TLDC2: variants seen among roughly 807,000 people sequenced by gnomAD.
TLDC2 encodes TLD domain-containing protein 2.
A neutral mutation model predicts 27.9 loss-of-function variants in TLDC2; 23 were observed. That is an observed-to-expected ratio of 0.82 (90% CI 0.59 to 1.17). TLDC2 has a LOEUF of 1.17. Ranked by LOEUF, TLDC2 falls within the 50% of genes most tolerant of loss-of-function variation. The pLI is 0.00. For missense variants in TLDC2, 286 were observed against 273.4 expected, an observed-to-expected ratio of 1.05 and a Z score of -0.32; for synonymous variants, 124 against 107.4, an observed-to-expected ratio of 1.16 and a Z score of -0.96.
At chr20:36,878,722 C>A (rs753698097) in intron 2 of TLDC2, among the ~76,000 whole-genome samples, 2 of 151,822 alleles carry the variant, frequency 1.3e-5, no homozygotes, top group Admixed American at 6.6e-5. Flanking sequence ...CCTCTGGGGG[C>A]AAGGGTGACC....
intron 4 of TLDC2, among the ~76,000 whole-genome samples, chr20:36,885,696 C>A (rs1989907079): frequency 6.6e-6 from 1 of 152,156 alleles, no homozygotes; most frequent in Non-Finnish European, 1.5e-5. Flanking sequence ...GCATTTTGGG[C>A]CACTGATTAA....
At chr20:36,889,156 C>A in intron 5 of TLDC2, 95 bp from the exon 6 acceptor site, 1 of 1,529,410 alleles carries the variant, frequency 6.5e-7, no homozygotes, top group South Asian at 1.3e-5. Context: ...ACTGGGCTGC[C>A]GTCCTGGCAT....
Position 36,879,133 on chromosome 20 carries a change from C to G in TLDC2, c.282C>G (p.Tyr94Ter). The part of the protein sequence containing the change: ...SRDGFSLQSL[Y>*]RRMEGCSGPV... ...ACGGTTTCAGCCTGCAGAGCCTGTA[C>G]CGGCGGATGGAGGGCTGCAGCGGGC... Residue 94 changes from tyrosine to a stop codon, truncating the protein, a stop_gained, in exon 3 of 7, where the codon TAC becomes TAG. Transcript: ENST00000217320. LOFTEE classifies it high-confidence loss of function. The G allele has an allele frequency of 1.2e-6, 2 of 1,614,146 alleles. No homozygotes were observed. Among genetic ancestry groups the G allele is most frequent in the Non-Finnish European group, 1.7e-6 (2 of 1,180,026 alleles).
chr20:36,893,012 T>A lies in TLDC2; in HGVS notation c.*168T>A, dbSNP rs190893470. ...CGAGTTGGATTTTGGACTGAAGTAC[T>A]GTCGTTCCATTCCTTTTTTTGAGGT... On this transcript the variant is annotated 3_prime_UTR_variant, in exon 7 of 7. Transcript: ENST00000217320. 1 of 1,614,132 alleles carries A rather than the reference T, an allele frequency of 6.2e-7. No individual in the cohort carries two copies. The highest frequency in any genetic ancestry group is 2.2e-5 in the East Asian group (1 of 44,888).
intron 6 of TLDC2, chr20:36,890,659 A>C (rs915079321): frequency 5.3e-5 from 8 of 151,942 alleles, no homozygotes; most frequent in African/African-American, 1.9e-4. Context: ...TTGTATTTTT[A>C]GTAGAGACTG....
chr20:36,887,590 C>T (rs1444014359), intron 5 of TLDC2, 62 bp downstream of exon 5: 7 of 1,496,700 alleles, frequency 4.7e-6, no homozygotes, highest in African/African-American at 2.8e-5. Flanking sequence ...TTCCCTCTGC[C>T]GAACTGCTGG....
chr20:36,877,800 G>T, intron 1 of TLDC2, 99 bp from the exon 2 acceptor site: 1 of 1,367,554 alleles, frequency 7.3e-7, no homozygotes, highest in Non-Finnish European at 1.0e-6. Context: ...CATGGGCAGG[G>T]AGTGATGAGG....
chr20:36,879,071 G>A lies in TLDC2; in HGVS notation c.220G>A (p.Gly74Ser), dbSNP rs763695861. ...LSFHFPPRVT[G>S]HPWSLVFCTS... ...CTTTCACTTCCCACCAAGAGTCACCGGCCATCCCTGGAGTCTGGTCTTCTG... is the reference window on the plus strand; with the variant it reads ...CTTTCACTTCCCACCAAGAGTCACCAGCCATCCCTGGAGTCTGGTCTTCTG... Residue 74 changes from glycine (G) to serine (S), a missense_variant, in exon 3 of 7, where the codon GGC becomes AGC. Transcript: ENST00000217320. The A allele has an allele frequency of 8.3e-5, 134 of 1,614,020 alleles. 1 individual carries two copies. The Admixed American group carries it at 1.6e-3, about 19-fold the overall frequency.
intron 3 of TLDC2, 54 bp from the exon 4 acceptor site, chr20:36,880,601 G>A: frequency 4.0e-6 from 6 of 1,485,268 alleles, no homozygotes; most frequent in Non-Finnish European, 5.6e-6. Context: ...AATGAGGGTT[G>A]CCAGAGGACC....
chr20:36,889,226 AC>A (rs1211468209), intron 5 of TLDC2, 24 bp from the exon 6 acceptor site: 1 of 1,613,200 alleles, frequency 6.2e-7, no homozygotes. Context: ...AGTGAGCCGC[AC>A]CAAGACTGTC....
At chr20:36,889,224 G>T in intron 5 of TLDC2, 27 bp from the exon 6 acceptor site, 1 of 1,611,956 alleles carries the variant, frequency 6.2e-7, no homozygotes, top group South Asian at 1.1e-5. Context: ...GGAGTGAGCC[G>T]CACCAAGACT....
intron 4 of TLDC2, 30 bp from the exon 5 acceptor site, chr20:36,887,409 GACTCGCTCGCTTAGTA>G: frequency 2.6e-6 from 4 of 1,556,354 alleles, no homozygotes; most frequent in Non-Finnish European, 1.8e-6. Flanking sequence ...GCAAGGGCGG[GACTCGCTCGCTTAGTA>G]ACCTGAGCCT....
At chr20:36,884,411 A>T (rs1034789284) in intron 4 of TLDC2, among the ~76,000 whole-genome samples, 1 of 151,888 alleles carries the variant, frequency 6.6e-6, no homozygotes, top group Admixed American at 6.6e-5. Flanking sequence ...ACCTCCTTCT[A>T]TGTTCTGATG....
chr20:36,888,428 C>T (rs1337203938), intron 5 of TLDC2, among the ~76,000 whole-genome samples: 1 of 151,788 alleles, frequency 6.6e-6, no homozygotes, highest in East Asian at 1.9e-4. Context: ...TATCTTGGAC[C>T]GAGCGTGGTG....
chr20:36,879,235 C>G (rs1387621008), intron 3 of TLDC2, 42 bp downstream of exon 3: 1 of 1,583,996 alleles, frequency 6.3e-7, no homozygotes, highest in South Asian at 1.1e-5. Context: ...TGGGGGCACC[C>G]CACCAGGTAC....
rs1307026646 is a variant in TLDC2 at position 36,888,346 on chromosome 20, C to T, written c.512+818C>T. Among the ~76,000 whole-genome samples the T allele has an allele frequency of 3.3e-5, 5 of 151,878 alleles. No homozygotes were observed. The East Asian group carries it at 7.9e-4, about 24-fold the overall frequency. On this transcript the variant is annotated intron_variant, in intron 5 of 6. Transcript: ENST00000217320. The stretch of plus-strand genomic sequence containing the variant: ...TCCTGGGTTCAAGTGATTCTCCTGC[C>T]TCAGCGTCTCGAGTAGCTGGGACAA...
At chr20:36,878,689 T>C (rs1989730667) in intron 2 of TLDC2, among the ~76,000 whole-genome samples, 1 of 151,784 alleles carries the variant, frequency 6.6e-6, no homozygotes, top group African/African-American at 2.4e-5. Flanking sequence ...GGAGGAGGGT[T>C]CAGCATCTTT....
chr20:36,888,572 G>C (rs1411034271), intron 5 of TLDC2, among the ~76,000 whole-genome samples: 2 of 150,870 alleles, frequency 1.3e-5, no homozygotes, highest in Non-Finnish European at 3.0e-5. Context: ...CAGGCGTGGT[G>C]GTGGGCACCC....
intron 6 of TLDC2, chr20:36,892,046 G>T (rs945111656): frequency 2.6e-5 from 4 of 152,450 alleles, no homozygotes; most frequent in Non-Finnish European, 5.9e-5. Context: ...GTATTCAGGG[G>T]ACAAAGGCAC....
Sources: allele counts gnomAD v4.1 joint callset (sites outside exome capture counted in the v4.1 genomes callset), GRCh38; gene constraint gnomAD v4.1.1; transcripts MANE v1.5; gene names NCBI Gene and HGNC (gene_info 2026-07-23, HGNC 2026-07-21).